The following LMBR1 variants were observed in gnomAD, a reference collection of about 807,000 sequenced individuals.
LMBR1 encodes limb development membrane protein 1, also known as limb region 1 protein homolog.
A neutral mutation model predicts 73.9 loss-of-function variants in LMBR1; 52 were observed. The observed-to-expected ratio is 0.70, with a 90% CI of 0.56 to 0.89. The LOEUF (loss-of-function observed/expected upper bound fraction) is 0.89. Among genes scored for constraint, LMBR1 ranks in the 40% least tolerant of loss-of-function variants. The pLI, the probability that LMBR1 is intolerant of heterozygous loss-of-function variation, is 0.00. For synonymous variants in LMBR1, 215 were observed against 209.4 expected (o/e 1.03, Z -0.23); for missense variants, 539 against 579.8 (o/e 0.93, Z 0.72).
intron 9 of LMBR1, among the ~76,000 whole-genome samples, chr7:156,747,321 C>T (rs1420375611): frequency 6.6e-6 from 1 of 152,058 alleles, no homozygotes; most frequent in Non-Finnish European, 1.5e-5. Flanking sequence ...GCAACTTTTC[C>T]CAGCTTTATT....
intron 5 of LMBR1, among the ~76,000 whole-genome samples, chr7:156,787,224 G>A (rs1828276095): frequency 6.6e-6 from 1 of 152,014 alleles, no homozygotes; most frequent in Non-Finnish European, 1.5e-5. Context: ...CCAAACTAAA[G>A]GTCCCACGTT....
At chr7:156,697,278 T>G (rs1436774514) in intron 15 of LMBR1, among the ~76,000 whole-genome samples, 1 of 152,182 alleles carries the variant, frequency 6.6e-6, no homozygotes, top group East Asian at 1.9e-4. Flanking sequence ...CACATGCTTC[T>G]GAGGGAACAG....
At chr7:156,673,469 G>A (rs953793267), downstream of LMBR1, among the ~76,000 whole-genome samples, 3 of 152,156 alleles carry the variant, frequency 2.0e-5, no homozygotes, top group East Asian at 1.9e-4. Flanking sequence ...CTTAGGAAAC[G>A]TTACCGATTC....
At chr7:156,890,237 C>G (rs1802653674) in intron 1 of LMBR1, among the ~76,000 whole-genome samples, 1 of 151,962 alleles carries the variant, frequency 6.6e-6, no homozygotes, top group African/African-American at 2.4e-5. Context: ...TTCAATAAAG[C>G]ATTTAGAGAA....
chr7:156,684,143 G>T lies in LMBR1; in HGVS notation c.1408C>A (p.Pro470Thr). 6.2e-7 allele frequency: 1 copy of T among 1,613,954 alleles called. No individual in the cohort carries two copies. The highest frequency in any genetic ancestry group is 8.5e-7 in the Non-Finnish European group (1 of 1,179,878). ...GTTTCTGAATCCCTTGAAGTATTTG[G>T]TAAGTGAAGTTTATGAAGCCCTGCA... The part of the protein sequence containing the change: ...KALGLHKLHL[P>T]NTSRDSETAK... The change falls in exon 17 of 17, where the codon CCA becomes ACA. Residue 470 changes from proline to threonine, a missense_variant. Physicochemically the swap from Pro to Thr is conservative, Grantham distance 38 (BLOSUM62 -1). This residue lies in a region of LMBR1 where 69 missense variants were observed against 68.5 expected (regional missense o/e 1.01). Transcript: ENST00000353442.
At chr7:156,710,693 A>G (rs149030967) in intron 15 of LMBR1, among the ~76,000 whole-genome samples, 211 of 152,386 alleles carry the variant, frequency 1.4e-3, no homozygotes, top group South Asian at 3.7e-3. Flanking sequence ...TCATCACAAA[A>G]TGATCATCAC....
chr7:156,695,879 G>T (rs1485745940), intron 15 of LMBR1, among the ~76,000 whole-genome samples: 1 of 136,372 alleles, frequency 7.3e-6, no homozygotes, highest in Non-Finnish European at 1.6e-5. Context: ...AAAAAAAAAA[G>T]AGAGAGCACA....
intron 9 of LMBR1, among the ~76,000 whole-genome samples, chr7:156,736,837 T>G (rs1817962543): frequency 6.6e-6 from 1 of 152,202 alleles, no homozygotes. Flanking sequence ...TTTTACTTAA[T>G]TTTCTATGTA....
At chr7:156,862,891 G>A (rs557232468) in intron 1 of LMBR1, among the ~76,000 whole-genome samples, 1 of 152,312 alleles carries the variant, frequency 6.6e-6, no homozygotes, top group South Asian at 2.1e-4. Flanking sequence ...GGGGCCTTGA[G>A]ACTGTTGGAC....
chr7:156,742,317 G>A (rs1422136073), intron 9 of LMBR1, among the ~76,000 whole-genome samples: 2 of 150,842 alleles, frequency 1.3e-5, no homozygotes, highest in African/African-American at 2.4e-5. Context: ...TTGAAATGAG[G>A]AATACAAAAG....
At chr7:156,783,233 A>G (rs1022141564) in intron 5 of LMBR1, among the ~76,000 whole-genome samples, 11 of 152,162 alleles carry the variant, frequency 7.2e-5, no homozygotes, top group African/African-American at 2.7e-4. Context: ...GTGCAGTGGT[A>G]CAATCATGGC....
chr7:156,825,372 G>A (rs927127782), intron 4 of LMBR1, among the ~76,000 whole-genome samples: 7 of 151,810 alleles, frequency 4.6e-5, no homozygotes, highest in Admixed American at 6.6e-5. Flanking sequence ...AATGAGAGAC[G>A]GGTATGGGTA....
intron 15 of LMBR1, among the ~76,000 whole-genome samples, chr7:156,703,504 G>C (rs1810244484): frequency 6.6e-6 from 1 of 152,144 alleles, no homozygotes; most frequent in Admixed American, 6.5e-5. Flanking sequence ...TGGGTTCGCT[G>C]CCACAGTCGG....
chr7:156,698,961 C>T (rs911970535), intron 15 of LMBR1, among the ~76,000 whole-genome samples: 3 of 152,126 alleles, frequency 2.0e-5, no homozygotes, highest in Admixed American at 6.5e-5. Flanking sequence ...AACTGAATGC[C>T]TTAATGTTTT....
chr7:156,863,371 T>C (rs1399072907), intron 1 of LMBR1, among the ~76,000 whole-genome samples: 2 of 152,014 alleles, frequency 1.3e-5, no homozygotes, highest in African/African-American at 4.8e-5. Flanking sequence ...CTTTATATTC[T>C]AGCCATGATG....
chr7:156,705,866 T>C (rs1335072248), intron 15 of LMBR1, among the ~76,000 whole-genome samples: 2 of 151,820 alleles, frequency 1.3e-5, no homozygotes, highest in Non-Finnish European at 2.9e-5. Flanking sequence ...GAGAAAAAGA[T>C]AACAAAGAAC....
intron 15 of LMBR1, among the ~76,000 whole-genome samples, chr7:156,712,372 AGAG>A (rs1324940781): frequency 3.0e-4 from 46 of 152,208 alleles, no homozygotes; most frequent in Admixed American, 3.0e-3. Context: ...CAAATGTTGG[AGAG>A]GATGCAGAAA....
chr7:156,865,641 G>A (rs1442564873), intron 1 of LMBR1, among the ~76,000 whole-genome samples: 2 of 152,148 alleles, frequency 1.3e-5, no homozygotes, highest in East Asian at 3.8e-4. Flanking sequence ...GAAAAAAAGA[G>A]CAAAGCTGGA....
chr7:156,843,020 C>CAGG (rs1467843391), intron 1 of LMBR1, among the ~76,000 whole-genome samples: 2 of 152,336 alleles, frequency 1.3e-5, no homozygotes, highest in East Asian at 3.9e-4. Context: ...TCGACCAACT[C>CAGG]AAAGTGGTCA....
Sources: gnomAD v4.1 joint callset for allele counts (sites outside exome capture counted in the v4.1 genomes callset) on GRCh38, gnomAD v4.1.1 for gene constraint, gnomAD v4.1.1 regional missense constraint, MANE v1.5 for transcripts, NCBI Gene and HGNC (gene_info 2026-07-23, HGNC 2026-07-21) for gene names.